LETM1: variants seen among roughly 807,000 people sequenced by gnomAD.
LETM1 encodes leucine zipper and EF-hand containing transmembrane protein 1, also known as mitochondrial proton/calcium exchanger protein.
Under a neutral mutation model 74.5 loss-of-function variants are expected in LETM1, and 50 were observed. That is an observed-to-expected ratio of 0.67 (90% CI 0.53 to 0.85). The LOEUF (loss-of-function observed/expected upper bound fraction) is 0.85, where lower values mean the gene tolerates loss of function less well. Ranked by LOEUF, LETM1 falls within the 40% of genes least tolerant of loss-of-function variation. LETM1 has a pLI of 0.00. For synonymous variants in LETM1, 446 were observed against 407.1 expected (o/e 1.10, Z -1.15); for missense variants, 824 against 967.8 (o/e 0.85, Z 1.97).
intron 11 of LETM1, 51 bp downstream of exon 11, chr4:1,819,287 C>T (rs766091066): frequency 2.1e-5 from 32 of 1,556,098 alleles, no homozygotes; most frequent in African/African-American, 1.5e-4. Flanking sequence ...GCCAGTACAG[C>T]GATTTTACTC....
chr4:1,841,532 C>T lies in LETM1; in HGVS notation c.409G>A (p.Gly137Ser). 3 of 1,614,248 alleles carry T rather than the reference C, an allele frequency of 1.9e-6. No individual in the cohort carries two copies. Among genetic ancestry groups the T allele is most frequent in the Non-Finnish European group, 2.5e-6 (3 of 1,180,052 alleles). Residue 137 changes from glycine to serine, a missense_variant, in exon 3 of 14, where the codon GGC (glycine) becomes AGC (serine). Transcript: ENST00000302787. Reference sequence around the variant, plus strand: ...GCGGGGGGGCTGTACACCGGGCCGCCTTCCTCCAGCTTCTTGTTCTTGTCC... The same window carrying T: ...GCGGGGGGGCTGTACACCGGGCCGCTTTCCTCCAGCTTCTTGTTCTTGTCC... The part of the protein sequence containing the change: ...LKDKNKKLEE[G>S]GPVYSPPAEV...
At chr4:1,824,484 C>T (rs910599929) in intron 7 of LETM1, among the ~76,000 whole-genome samples, 3 of 152,156 alleles carry the variant, frequency 2.0e-5, no homozygotes, top group Admixed American at 2.0e-4. Flanking sequence ...CAAGAAAGAC[C>T]GTGACAATGT....
intron 6 of LETM1, among the ~76,000 whole-genome samples, chr4:1,831,351 C>A (rs1482484124): frequency 6.6e-6 from 1 of 152,248 alleles, no homozygotes; most frequent in African/African-American, 2.4e-5. Flanking sequence ...TGCTTGCTAC[C>A]GCTGGGAACG....
chr4:1,856,006 G>T lies in LETM1; in HGVS notation c.-56C>A. 1 of 1,107,130 alleles carries T rather than the reference G, an allele frequency of 9.0e-7. No individual in the cohort carries two copies. The highest frequency in any genetic ancestry group is 1.1e-6 in the Non-Finnish European group (1 of 883,668). 68.6% of individuals were successfully genotyped at this position (1,107,130 alleles called of 1,614,324 possible). On this transcript the variant is annotated 5_prime_UTR_variant, in exon 1 of 14. Coordinates refer to ENST00000302787, the MANE Select transcript of LETM1 (RefSeq NM_012318.3). ...CTGCGCTGCCTCCTTCTCCGCGGCG[G>T]CCGCGGCTCTTCGCCGTCCCGGCGG...
In LETM1 at chr4:1,834,552, A is replaced by G; in HGVS notation, c.876+293T>C. On this transcript the variant is annotated intron_variant, in intron 5 of 13. Coordinates refer to ENST00000302787, the MANE Select transcript of LETM1 (RefSeq NM_012318.3). The surrounding 1 kb of genome is among the most constrained non-coding windows in gnomAD (Gnocchi z 5.0). Reference sequence around the variant, plus strand: ...CCACACCTCACACCATCAGGGTCTCAGGCTCCTCATGGGTCAGATTCTACT... The same window carrying G: ...CCACACCTCACACCATCAGGGTCTCGGGCTCCTCATGGGTCAGATTCTACT... 1 of 1,180,606 alleles carries G rather than the reference A, an allele frequency of 8.5e-7. No individual in the cohort carries two copies. Among genetic ancestry groups the G allele is most frequent in the African/African-American group, 1.6e-5 (1 of 63,076 alleles). The allele number at this position is 1,180,606 out of a possible 1,614,324, so 73.1% of individuals were successfully genotyped here.
At chr4:1,823,918 G>A (rs538468618) in intron 7 of LETM1, 143 bp from the exon 8 acceptor site, 13 of 969,784 alleles carry the variant, frequency 1.3e-5, no homozygotes, top group South Asian at 6.9e-5. Context: ...GCTGTGCTGC[G>A]TGACCCGATG....
Position 1,836,608 on chromosome 4 carries a change from C to T in LETM1, c.595-36G>A. ...CGGAATCCATCAGAGGGGAGCAGAG[C>T]ACATGTGGGAACAAGGGCAAGGGGT... is the stretch of plus-strand genomic sequence containing the variant. On this transcript the variant is annotated intron_variant, in intron 3 of 13. Coordinates refer to ENST00000302787, the MANE Select transcript of LETM1 (RefSeq NM_012318.3). The surrounding 1 kb of genome is among the most constrained non-coding windows in gnomAD (Gnocchi z 5.8). 3 of 1,610,360 alleles carry T rather than the reference C, an allele frequency of 1.9e-6. No homozygotes were observed. Among genetic ancestry groups the T allele is most frequent in the Non-Finnish European group, 2.5e-6 (3 of 1,177,744 alleles).
intron 6 of LETM1, among the ~76,000 whole-genome samples, chr4:1,828,613 A>C (rs1278742550): frequency 2.0e-4 from 19 of 95,864 alleles, no homozygotes; most frequent in Middle Eastern, 9.6e-3. Flanking sequence ...GGGGCTCCTC[A>C]CTTCCCAGTA....
intron 6 of LETM1, among the ~76,000 whole-genome samples, chr4:1,831,099 GAAGGC>G (rs1392972889): frequency 6.6e-6 from 1 of 152,182 alleles, no homozygotes; most frequent in Non-Finnish European, 1.5e-5. Flanking sequence ...TGCAGACAAG[GAAGGC>G]AGCCATCGTC....
intron 2 of LETM1, among the ~76,000 whole-genome samples, chr4:1,846,213 T>C (rs1027599612): frequency 1.3e-5 from 2 of 152,034 alleles, no homozygotes; most frequent in African/African-American, 4.8e-5. Context: ...ACAGTCCTCA[T>C]TGTTTAAATT....
In LETM1 at chr4:1,815,811, G is replaced by A; in HGVS notation, c.1932-9C>T. On this transcript the variant is annotated splice_polypyrimidine_tract_variant and intron_variant, in intron 12 of 13. Coordinates refer to ENST00000302787, the MANE Select transcript of LETM1 (RefSeq NM_012318.3). ...CACTGATGACGTTCTCCCTGTGGAA[G>A]CACAGCCTGCATGTGGCCACGGGCA... The A allele has an allele frequency of 6.2e-7, 1 of 1,613,416 alleles. No homozygotes were observed. Among genetic ancestry groups the A allele is most frequent in the Non-Finnish European group, 8.5e-7 (1 of 1,179,752 alleles).
At position 1,836,294 on chromosome 4, in the gene LETM1, T is replaced by C. The variant is rs1712460779; in HGVS notation, c.738+135A>G. 5.3e-6 allele frequency: 4 copies of C among 748,526 alleles called. No individual in the cohort carries two copies. Among genetic ancestry groups the C allele is most frequent in the Middle Eastern group, 7.8e-4 (2 of 2,550 alleles). The allele number at this position is 748,526 out of a possible 1,614,324, so 46.4% of individuals were successfully genotyped here. On this transcript the variant is annotated intron_variant, in intron 4 of 13. Coordinates refer to ENST00000302787, the MANE Select transcript of LETM1 (RefSeq NM_012318.3). This position sits in a 1 kb window ranked among gnomAD's most constrained non-coding sequence, Gnocchi z 5.8. The stretch of plus-strand genomic sequence containing the variant: ...AAACCCAGCATCCACTAAATAATTA[T>C]TGCACAGCACAAGGACAATATGAAG...
intron 9 of LETM1, chr4:1,822,525 T>C (rs975038356): frequency 1.4e-5 from 6 of 422,978 alleles, no homozygotes; most frequent in Non-Finnish European, 2.4e-5. Flanking sequence ...GAGCACCTTA[T>C]CCATCTCTGG....
rs1248030912 is a variant in LETM1 at position 1,828,788 on chromosome 4, G to T, written c.1081-3105C>A. 2.1e-5 allele frequency among the ~76,000 whole-genome samples: 3 copies of T among 143,386 alleles called. No homozygotes were observed. The East Asian group carries it at 6.6e-4, about 32-fold the overall frequency. The allele number at this position is 143,386 out of a possible 152,430, so 94.1% of individuals were successfully genotyped here. Reference sequence around the variant, plus strand: ...CAGAGGCGCCCCCCACCCCCCGGACGGGGCGGCTGGCCGGGCAGGGGGGCT... The same window carrying T: ...CAGAGGCGCCCCCCACCCCCCGGACTGGGCGGCTGGCCGGGCAGGGGGGCT... On this transcript the variant is annotated intron_variant, in intron 6 of 13. Coordinates refer to ENST00000302787, the MANE Select transcript of LETM1 (RefSeq NM_012318.3).
At chr4:1,829,620 G>T (rs1338916638) in intron 6 of LETM1, among the ~76,000 whole-genome samples, 3 of 152,212 alleles carry the variant, frequency 2.0e-5, no homozygotes, top group Non-Finnish European at 4.4e-5. Context: ...TTCCAGACCA[G>T]CTTGGGCAGC....
rs1208982160 is a variant in LETM1, at chr4:1,829,048, C to G, written c.1081-3365G>C. On this transcript the variant is annotated intron_variant, in intron 6 of 13. Transcript: ENST00000302787. The stretch of plus-strand genomic sequence containing the variant: ...GGCTGGCCGGGCGGGAGCTGACCCC[C>G]CCACCTCCCTCCTGGACGGGGCGGC... 5.8e-4 allele frequency among the ~76,000 whole-genome samples: 71 copies of G among 122,018 alleles called. 5 individuals carry two copies. The highest frequency in any genetic ancestry group is 4.6e-3 in the Middle Eastern group (1 of 218). The allele number at this position is 122,018 out of a possible 152,430, so 80.0% of individuals were successfully genotyped here. A position where few individuals can be genotyped will look rare whatever the true frequency, so the allele number is the denominator to read the frequency against.
intron 6 of LETM1, among the ~76,000 whole-genome samples, chr4:1,831,292 G>T (rs146564337): frequency 2.3e-4 from 35 of 152,232 alleles, no homozygotes; most frequent in Non-Finnish European, 4.9e-4. Context: ...CTCGTAAGAA[G>T]TGCAGGCTCC....
rs1409646027 is a variant in LETM1, at chr4:1,823,781, A to G, written c.1201-6T>C. The G allele has an allele frequency of 6.2e-7, 1 of 1,605,134 alleles. No homozygotes were observed. The highest frequency in any genetic ancestry group is 8.5e-7 in the Non-Finnish European group (1 of 1,174,812). ...TGCAGGTGCAGGTCCAGCCACTGCA[A>G]CCAAGGCCAGGTTCAGCAGATGGGC... On this transcript the variant is annotated splice_polypyrimidine_tract_variant and splice_region_variant and intron_variant, in intron 7 of 13. Coordinates refer to ENST00000302787, the MANE Select transcript of LETM1 (RefSeq NM_012318.3).
chr4:1,832,695 C>G (rs11938463), intron 6 of LETM1, 49 bp downstream of exon 6: 1 of 1,563,052 alleles, frequency 6.4e-7, no homozygotes, highest in Non-Finnish European at 8.8e-7. Context: ...CATCAGGAAA[C>G]GAAAAGGTAA....
Sources: gnomAD v4.1 joint callset for allele counts (sites outside exome capture counted in the v4.1 genomes callset) on GRCh38, gnomAD v4.1.1 for gene constraint, Gnocchi (gnomAD v3.1) non-coding constraint, MANE v1.5 for transcripts, NCBI Gene and HGNC (gene_info 2026-07-23, HGNC 2026-07-21) for gene names.